Variants in USP32 observed in about 807,000 individuals in gnomAD.
USP32 encodes ubiquitin carboxyl-terminal hydrolase 32.
Under a neutral mutation model 204.8 loss-of-function variants are expected in USP32, and 59 were observed. That is an observed-to-expected ratio of 0.29 (90% CI 0.23 to 0.36). USP32 has a LOEUF of 0.36. Among genes scored for constraint, USP32 ranks in the 10% least tolerant of loss-of-function variants. The pLI is 1.00. For missense variants in USP32, 1,160 were observed against 1,946.4 expected (o/e 0.60, Z 7.60); for synonymous variants, 517 against 678.4 (o/e 0.76, Z 3.70).
At chr17:60,345,414 C>T in intron 2 of USP32, 67 bp downstream of exon 2, 1 of 1,585,088 alleles carries the variant, frequency 6.3e-7, no homozygotes, top group Non-Finnish European at 8.6e-7. Context: ...GCAGAAGGCC[C>T]CTCAGGAATT....
chr17:60,402,667 T>C (rs538918543), intron 1 of USP32, among the ~76,000 whole-genome samples: 7 of 152,244 alleles, frequency 4.6e-5, no homozygotes, highest in Non-Finnish European at 1.0e-4. Flanking sequence ...GGGTTGTCAT[T>C]GCTTCATAAG....
chr17:60,244,641 T>A (rs561931289), intron 11 of USP32, among the ~76,000 whole-genome samples: 1 of 152,336 alleles, frequency 6.6e-6, no homozygotes, highest in East Asian at 1.9e-4. Context: ...TATTTTACTT[T>A]ATGTTTTTGA....
chr17:60,366,794 A>G (rs1457934264), intron 1 of USP32, among the ~76,000 whole-genome samples: 2 of 151,668 alleles, frequency 1.3e-5, no homozygotes, highest in African/African-American at 4.8e-5. Context: ...GAGACACGCT[A>G]TTACTAAAGT....
Position 60,181,524 on chromosome 17 carries a change from C to T in USP32, c.4348G>A (p.Val1450Met). 14 of 1,614,014 alleles carry T rather than the reference C, an allele frequency of 8.7e-6. No homozygotes were observed. The highest frequency in any genetic ancestry group is 1.1e-5 in the Non-Finnish European group (13 of 1,179,874). The stretch of plus-strand genomic sequence containing the variant: ...AACTCTGGTTGGCTGCCCCCCAGCA[C>T]ATGCCCTCGACTCAAGGCGTCAGCC... ...ELADALSRGH[V>M]LGGSQPELVT... Residue 1450 changes from valine to methionine, a missense_variant, in exon 32 of 34, where the codon GTG becomes ATG. Coordinates refer to ENST00000300896, the MANE Select transcript of USP32 (RefSeq NM_032582.4).
intron 1 of USP32, among the ~76,000 whole-genome samples, chr17:60,416,576 A>G (rs1261349950): frequency 6.6e-6 from 1 of 152,170 alleles, no homozygotes. Context: ...GACCAATGGA[A>G]TTTTGAAGAA....
intron 2 of USP32, among the ~76,000 whole-genome samples, chr17:60,320,650 T>G (rs544766888): frequency 2.0e-5 from 3 of 152,322 alleles, no homozygotes; most frequent in Admixed American, 1.3e-4. Flanking sequence ...ATCAACATTA[T>G]AATGAAAAAC....
chr17:60,350,578 C>T (rs903981894), intron 1 of USP32, among the ~76,000 whole-genome samples: 1 of 152,166 alleles, frequency 6.6e-6, no homozygotes, highest in Non-Finnish European at 1.5e-5. Context: ...CATGGGCCAC[C>T]GTGCCCGGCC....
upstream of USP32, chr17:60,392,286 G>A (rs1598313628): frequency 5.4e-6 from 2 of 369,914 alleles, no homozygotes; most frequent in East Asian, 1.2e-4. Context: ...GCCAGACACT[G>A]TTCCCGGTAA....
At chr17:60,416,554 T>C (rs940726361) in intron 1 of USP32, among the ~76,000 whole-genome samples, 4 of 152,040 alleles carry the variant, frequency 2.6e-5, no homozygotes, top group African/African-American at 9.7e-5. Context: ...CCCTATAGAG[T>C]CATTTTATGC....
chr17:60,228,094 C>T (rs1598101013), intron 12 of USP32, among the ~76,000 whole-genome samples: 1 of 151,616 alleles, frequency 6.6e-6, no homozygotes. Flanking sequence ...GGTGCAGTCT[C>T]GGCTCACAGC....
rs2084031401 is a variant in USP32, at chr17:60,178,917, T to C, written c.*338A>G. Among the ~76,000 whole-genome samples the C allele has an allele frequency of 6.6e-6, 1 of 152,254 alleles. No individual in the cohort carries two copies. Among genetic ancestry groups the C allele is most frequent in the African/African-American group, 2.4e-5 (1 of 41,464 alleles). The stretch of plus-strand genomic sequence containing the variant: ...AAATCTTTAATATTTGTTATGATTA[T>C]GGTAAACTCTATACTCACTACATAT... On this transcript the variant is annotated 3_prime_UTR_variant, in exon 34 of 34. Transcript: ENST00000300896.
chr17:60,381,077 G>T (rs1341588731), intron 1 of USP32, among the ~76,000 whole-genome samples: 3 of 152,166 alleles, frequency 2.0e-5, no homozygotes, highest in African/African-American at 4.8e-5. Context: ...GCTGCTAGTT[G>T]TATTCTGTCA....
At chr17:60,206,985 G>A (rs777659522) in intron 25 of USP32, 36 bp downstream of exon 25, 286 of 1,571,104 alleles carry the variant, frequency 1.8e-4, no homozygotes, top group Non-Finnish European at 2.0e-4. Flanking sequence ...ATATTTAAAG[G>A]AGCAATCATG....
At chr17:60,263,261 T>C (rs1237156275) in intron 9 of USP32, among the ~76,000 whole-genome samples, 1 of 152,132 alleles carries the variant, frequency 6.6e-6, no homozygotes, top group African/African-American at 2.4e-5. Context: ...ACTTCTAACA[T>C]AGCCCTGATC....
chr17:60,303,400 C>A (rs1377835216), intron 2 of USP32, among the ~76,000 whole-genome samples: 1 of 152,012 alleles, frequency 6.6e-6, no homozygotes, highest in Non-Finnish European at 1.5e-5. Flanking sequence ...GACACAGCAC[C>A]TGCCTAAAAC....
chr17:60,350,628 T>C (rs1229913669), intron 1 of USP32, among the ~76,000 whole-genome samples: 1 of 152,156 alleles, frequency 6.6e-6, no homozygotes, highest in Non-Finnish European at 1.5e-5. Context: ...ATGATATTAG[T>C]TATCTTCGTA....
chr17:60,283,672 C>CTT (rs766137278), intron 5 of USP32, among the ~76,000 whole-genome samples: 3 of 140,656 alleles, frequency 2.1e-5, no homozygotes, highest in Non-Finnish European at 3.1e-5. Context: ...ACAAGTTTGC[C>CTT]TTTTTTTTTT....
intron 26 of USP32, among the ~76,000 whole-genome samples, chr17:60,203,204 C>T (rs1300221803): frequency 2.1e-4 from 31 of 150,356 alleles, no homozygotes; most frequent in African/African-American, 7.2e-4. Context: ...AGATCAAGAC[C>T]ATCCTGGCCA....
At chr17:60,356,702 T>A (rs1302027081) in intron 1 of USP32, among the ~76,000 whole-genome samples, 2 of 152,162 alleles carry the variant, frequency 1.3e-5, no homozygotes, top group Non-Finnish European at 2.9e-5. Flanking sequence ...GGGAATCCAA[T>A]TTCCAGAGCT....
Sources: gnomAD v4.1 joint callset for allele counts (sites outside exome capture counted in the v4.1 genomes callset) on GRCh38, gnomAD v4.1.1 for gene constraint, MANE v1.5 for transcripts, NCBI Gene and HGNC (gene_info 2026-07-23, HGNC 2026-07-21) for gene names.